Variants in FBN3 observed in about 807,000 individuals in gnomAD.
FBN3 encodes the protein fibrillin 3.
Under a neutral mutation model 330.1 loss-of-function variants are expected in FBN3, and 234 were observed. That is an observed-to-expected ratio of 0.71 (90% CI 0.64 to 0.79). The LOEUF is 0.79. Among genes scored for constraint, FBN3 ranks in the 30% least tolerant of loss-of-function variants. FBN3 has a pLI of 0.00. For missense variants in FBN3, 3,606 were observed against 3,886.9 expected, an observed-to-expected ratio of 0.93 and a Z score of 1.92; for synonymous variants, 1,458 against 1,517.3, an observed-to-expected ratio of 0.96 and a Z score of 0.91.
chr19:8,106,296 C>T (rs2082437703), intron 37 of FBN3, 63 bp from the exon 38 acceptor site: 1 of 1,589,200 alleles, frequency 6.3e-7, no homozygotes, highest in Non-Finnish European at 8.6e-7. Context: ...TAAGGGGCAC[C>T]CACACCATGC....
chr19:8,087,883 G>A lies in FBN3; in HGVS notation c.6561C>T (p.Ser2187=). 6.2e-7 allele frequency: 1 copy of A among 1,614,200 alleles called. No individual in the cohort carries two copies. Among genetic ancestry groups the A allele is most frequent in the Non-Finnish European group, 8.5e-7 (1 of 1,180,036 alleles). The change falls in exon 53 of 64, where the codon TCC becomes TCT. Residue 2187 remains serine (S), a synonymous_variant. Coordinates refer to ENST00000600128, the MANE Select transcript of FBN3 (RefSeq NM_032447.5). ...AGCCGGCTGGACAGGTGCACAGGTA[G>A]GAGCCCTCGGTATTGTGGCAGCGGA... is the stretch of plus-strand genomic sequence containing the variant. ...CAFRCHNTEG[S]YLCTCPAGYT...
chr19:8,077,446 C>T (rs1392596045), intron 59 of FBN3, among the ~76,000 whole-genome samples: 2 of 151,952 alleles, frequency 1.3e-5, no homozygotes, highest in Non-Finnish European at 2.9e-5. Context: ...TGAGACCAGC[C>T]TGACCAGCAT....
In FBN3 at chr19:8,099,406, G is replaced by A. The variant is rs376773499; in HGVS notation, c.5161+1495C>T. Among the ~76,000 whole-genome samples the A allele has an allele frequency of 1.3e-4, 19 of 143,758 alleles. No homozygotes were observed. In the South Asian group the frequency reaches 3.7e-3, roughly 28 times the overall value. 94.3% of individuals were successfully genotyped at this position (143,758 alleles called of 152,430 possible). ...CGCCATTCTCCTGCCTCAGCCTCCC[G>A]AGTAGCTGGGACTACAGGCGCCCGC... On this transcript the variant is annotated intron_variant, in intron 41 of 63. Coordinates refer to ENST00000600128, the MANE Select transcript of FBN3 (RefSeq NM_032447.5).
In FBN3 at chr19:8,136,434, G is replaced by A. The variant is rs755826283; in HGVS notation, c.1299C>T (p.Cys433=). ...RCLPTPSSYR[C]ECNVGYTQDV... ...CCTGGGTGTAGCCCACGTTACACTC[G>A]CAGCGGTAGCTGGAAGGCGTGGGCA... The change falls in exon 11 of 64, where the codon TGC becomes TGT. Residue 433 remains cysteine, a synonymous_variant. Transcript: ENST00000600128. The A allele has an allele frequency of 8.1e-6, 13 of 1,614,164 alleles. No homozygotes were observed. Among genetic ancestry groups the A allele is most frequent in the Middle Eastern group, 1.7e-4 (1 of 6,060 alleles).
Position 8,086,346 on chromosome 19 carries a change from C to T in FBN3, c.6755-21G>A, listed in dbSNP as rs573666235. ...GTCATCTGAGATGGGAGGGGTGAGGCAGGTGGGCGGGGAGGCCACAGGCAG... is the reference window on the plus strand; with the variant it reads ...GTCATCTGAGATGGGAGGGGTGAGGTAGGTGGGCGGGGAGGCCACAGGCAG... On this transcript the variant is annotated intron_variant, in intron 54 of 63. Coordinates refer to ENST00000600128, the MANE Select transcript of FBN3 (RefSeq NM_032447.5). 2.5e-6 allele frequency: 4 copies of T among 1,577,626 alleles called. No homozygotes were observed. The South Asian group carries it at 4.6e-5, about 18-fold the overall frequency.
At position 8,120,697 on chromosome 19, in the gene FBN3, G is replaced by A. The variant is rs145609910; in HGVS notation, c.3211+561C>T. Among the ~76,000 whole-genome samples the A allele has an allele frequency of 2.1e-3, 321 of 151,890 alleles. 1 individual carries two copies. Among genetic ancestry groups the A allele is most frequent in the African/African-American group, 7.2e-3 (297 of 41,404 alleles). On this transcript the variant is annotated intron_variant, in intron 25 of 63. Coordinates refer to ENST00000600128, the MANE Select transcript of FBN3 (RefSeq NM_032447.5). ...TTGTTATGTTGCCCAGGCTGGCCTCGAACTCCTGGACTCAAGCAATCCTAC... is the reference window on the plus strand; with the variant it reads ...TTGTTATGTTGCCCAGGCTGGCCTCAAACTCCTGGACTCAAGCAATCCTAC...
intron 38 of FBN3, among the ~76,000 whole-genome samples, 196 bp downstream of exon 38, chr19:8,105,912 C>T (rs1443202151): frequency 6.6e-6 from 1 of 152,158 alleles, no homozygotes; most frequent in East Asian, 1.9e-4. Context: ...CCATCCCCCA[C>T]ACCACAGATC....
chr19:8,132,124 C>T (rs951764334), intron 14 of FBN3, among the ~76,000 whole-genome samples: 2 of 152,224 alleles, frequency 1.3e-5, no homozygotes, highest in East Asian at 1.9e-4. Context: ...TAGCTCACTG[C>T]GGCCTCCAAC....
At chr19:8,069,493 C>T (rs1400390250) in intron 63 of FBN3, among the ~76,000 whole-genome samples, 1 of 152,150 alleles carries the variant, frequency 6.6e-6, no homozygotes, top group East Asian at 1.9e-4. Context: ...CCCCTCAGTT[C>T]TGGAGATCTC....
chr19:8,116,644 C>T, intron 29 of FBN3, 30 bp downstream of exon 29: 1 of 1,592,610 alleles, frequency 6.3e-7, no homozygotes, highest in Non-Finnish European at 8.6e-7. Flanking sequence ...CCTCCTCCAC[C>T]CGCCCCGCCC....
chr19:8,108,373 A>G (rs889858170), intron 36 of FBN3, 135 bp from the exon 37 acceptor site: 10 of 654,164 alleles, frequency 1.5e-5, no homozygotes, highest in Non-Finnish European at 2.3e-5. Context: ...CGACATCCCC[A>G]TATCTCTTTA....
At chr19:8,108,262 T>C in intron 36 of FBN3, 24 bp from the exon 37 acceptor site, 1 of 1,592,996 alleles carries the variant, frequency 6.3e-7, no homozygotes, top group East Asian at 2.3e-5. Flanking sequence ...CAGGCTCCTG[T>C]GAGGTGGGGT....
chr19:8,109,124 GT>G lies in FBN3; in HGVS notation c.4618+102del. The stretch of plus-strand genomic sequence containing the variant: ...TCCTCCCCCAGTTCTTGGTTTTCCT[GT>G]CGCCTAAGCCCCCCACCACCGCCAT... On this transcript the variant is annotated intron_variant, in intron 36 of 63. Coordinates refer to ENST00000600128, the MANE Select transcript of FBN3 (RefSeq NM_032447.5). This position sits in a 1 kb window ranked among gnomAD's most constrained non-coding sequence, Gnocchi z 5.2. 2 of 1,150,674 alleles carry G rather than the reference GT, an allele frequency of 1.7e-6. No individual in the cohort carries two copies. Among genetic ancestry groups the G allele is most frequent in the Non-Finnish European group, 2.4e-6 (2 of 818,308 alleles). The allele number at this position is 1,150,674 out of a possible 1,614,324, so 71.3% of individuals were successfully genotyped here.
At chr19:8,144,210 G>C (rs998081495) in intron 6 of FBN3, among the ~76,000 whole-genome samples, 1 of 151,984 alleles carries the variant, frequency 6.6e-6, no homozygotes, top group Non-Finnish European at 1.5e-5. Flanking sequence ...AGGCCAGCCT[G>C]GCCAACATGG....
Position 8,086,337 on chromosome 19 carries a change from G to C in FBN3, c.6755-12C>G. 2 of 1,589,146 alleles carry C rather than the reference G, an allele frequency of 1.3e-6. No homozygotes were observed. Among genetic ancestry groups the C allele is most frequent in the Non-Finnish European group, 1.7e-6 (2 of 1,163,726 alleles). ...GCATTCATTGTCATCTGAGATGGGAGGGGTGAGGCAGGTGGGCGGGGAGGC... is the reference window on the plus strand; with the variant it reads ...GCATTCATTGTCATCTGAGATGGGACGGGTGAGGCAGGTGGGCGGGGAGGC... On this transcript the variant is annotated splice_polypyrimidine_tract_variant and intron_variant, in intron 54 of 63. Transcript: ENST00000600128.
At chr19:8,141,121 G>A (rs1266360955) in intron 8 of FBN3, among the ~76,000 whole-genome samples, 17 of 149,534 alleles carry the variant, frequency 1.1e-4, no homozygotes, top group Admixed American at 2.0e-4. Flanking sequence ...CGTGAACCCA[G>A]GAGGCGGAGC....
In FBN3 at chr19:8,147,378, C is replaced by T. The variant is rs748948563; in HGVS notation, c.103G>A (p.Gly35Arg). Reference sequence around the variant, plus strand: ...CCAGGACCTGCAGCCTCCAAGGCCCCGTCCCAGCGGCCTTGGCCACCTGCC... The same window carrying T: ...CCAGGACCTGCAGCCTCCAAGGCCCTGTCCCAGCGGCCTTGGCCACCTGCC... ...CMAGGQGRWD[G>R]ALEAAGPGRV... The change falls in exon 2 of 64, where the codon GGG becomes AGG. Residue 35 changes from glycine (G) to arginine (R), a missense_variant. By Grantham distance (125) the Gly-to-Arg change is moderately radical. Transcript: ENST00000600128. The T allele has an allele frequency of 3.1e-6, 5 of 1,600,146 alleles. No individual in the cohort carries two copies. The highest frequency in any genetic ancestry group is 2.3e-5 in the South Asian group (2 of 88,790).
rs1215275088 is a variant in FBN3 at position 8,090,239 on chromosome 19, C to T, written c.6044G>A (p.Ser2015Asn). 3 of 1,613,960 alleles carry T rather than the reference C, an allele frequency of 1.9e-6. No individual in the cohort carries two copies. The Admixed American group carries it at 5.0e-5, about 27-fold the overall frequency. Reference sequence around the variant, plus strand: ...AGCCTCAAAACGGGTGAAGCAGAAACTCTGCCGTGTGTCTGTGGGGTGGGG... The same window carrying T: ...AGCCTCAAAACGGGTGAAGCAGAAATTCTGCCGTGTGTCTGTGGGGTGGGG... Reference protein sequence around the residue: ...NGHRCFDTRQSFCFTRFEAGK... With the variant: ...NGHRCFDTRQNFCFTRFEAGK... Residue 2015 changes from serine to asparagine, a missense_variant, in exon 49 of 64, where the codon AGT (serine) becomes AAT (asparagine). Coordinates refer to ENST00000600128, the MANE Select transcript of FBN3 (RefSeq NM_032447.5).
At chr19:8,136,644 C>G (rs2083288394) in intron 10 of FBN3, 113 bp from the exon 11 acceptor site, 1 of 1,399,152 alleles carries the variant, frequency 7.1e-7, no homozygotes, top group Admixed American at 2.0e-5. Flanking sequence ...GGACCCTGCC[C>G]TGGCTCAGAT....
Sources: gnomAD v4.1 joint callset for allele counts (sites outside exome capture counted in the v4.1 genomes callset) on GRCh38, gnomAD v4.1.1 for gene constraint, Gnocchi (gnomAD v3.1) non-coding constraint, MANE v1.5 for transcripts, NCBI Gene and HGNC (gene_info 2026-07-23, HGNC 2026-07-21) for gene names.